The following SLC18A1 variants were observed in gnomAD, a reference collection of about 807,000 sequenced individuals.
SLC18A1 encodes chromaffin granule amine transporter.
SLC18A1 carries 69 observed loss-of-function variants against 53.7 expected under a neutral mutation model. That is an observed-to-expected ratio of 1.28 (90% CI 1.06 to 1.57). The LOEUF (loss-of-function observed/expected upper bound fraction) is 1.57, where lower values mean the gene tolerates loss of function less well. SLC18A1 is among the 40% of genes most tolerant of loss of function. The probability of loss-of-function intolerance (pLI) is 0.00; values close to 1 mark genes in which losing one functional copy is unlikely to be tolerated. For synonymous variants in SLC18A1, 320 were observed against 248.1 expected, an observed-to-expected ratio of 1.29 and a Z score of -2.72; for missense variants, 932 against 668.1, an observed-to-expected ratio of 1.40 and a Z score of -4.35.
At chr8:20,149,865 G>C in intron 11 of SLC18A1, 138 bp from the exon 12 acceptor site, 1 of 722,100 alleles carries the variant, frequency 1.4e-6, no homozygotes, top group East Asian at 2.7e-5. Context: ...ATCCCTACAT[G>C]ACCAGTTTGT....
At chr8:20,158,890 TG>T (rs1563738256) in intron 10 of SLC18A1, among the ~76,000 whole-genome samples, 1 of 152,190 alleles carries the variant, frequency 6.6e-6, no homozygotes, top group Non-Finnish European at 1.5e-5. Flanking sequence ...GAAGACCCTC[TG>T]TACCCATACT....
intron 4 of SLC18A1, among the ~76,000 whole-genome samples, chr8:20,176,962 C>A (rs2072267438): frequency 6.6e-6 from 1 of 152,174 alleles, no homozygotes; most frequent in Non-Finnish European, 1.5e-5. Context: ...CCCCAGGCAA[C>A]CATCATATAC....
chr8:20,165,036 C>G lies in SLC18A1; in HGVS notation c.919+11G>C. ...CACTCCCCGCCCAATGGGAGGTCAT[C>G]GCCAGCTTACCTGCAGCCACCAGGA... On this transcript the variant is annotated intron_variant, in intron 9 of 15. Transcript: ENST00000276373. 6.2e-7 allele frequency: 1 copy of G among 1,614,076 alleles called. No homozygotes were observed.
intron 10 of SLC18A1, among the ~76,000 whole-genome samples, chr8:20,160,343 A>G (rs575822718): frequency 6.7e-6 from 1 of 150,008 alleles, no homozygotes; most frequent in African/African-American, 2.5e-5. Context: ...AAATTTCCTT[A>G]ATTAGATTTT....
Position 20,151,839 on chromosome 8 carries a change from A to G in SLC18A1, c.1016-1095T>C, listed in dbSNP as rs543036251. Among the ~76,000 whole-genome samples, 7 of 152,174 alleles carry G rather than the reference A, an allele frequency of 4.6e-5. 1 individual carries two copies. The highest frequency in any genetic ancestry group is 1.0e-4 in the Non-Finnish European group (7 of 68,034). On this transcript the variant is annotated intron_variant, in intron 10 of 15. Coordinates refer to ENST00000276373, the MANE Select transcript of SLC18A1 (RefSeq NM_003053.4). ...TCATTCATTTTAACAAACTTTGACC[A>G]TGTGTCAGGTATTCTGGGGGCTGGG...
At chr8:20,174,118 G>T (rs1221400675) in intron 5 of SLC18A1, among the ~76,000 whole-genome samples, 2 of 151,816 alleles carry the variant, frequency 1.3e-5, no homozygotes, top group Non-Finnish European at 2.9e-5. Flanking sequence ...TGCCCAGGCT[G>T]CCCGGGTTGG....
At chr8:20,151,674 T>A (rs1255349186) in intron 10 of SLC18A1, among the ~76,000 whole-genome samples, 2 of 152,194 alleles carry the variant, frequency 1.3e-5, no homozygotes, top group South Asian at 4.1e-4. Context: ...TAGAGGGAAG[T>A]GTTCAGGAAA....
chr8:20,155,619 C>T (rs1211087135), intron 10 of SLC18A1, among the ~76,000 whole-genome samples: 1 of 152,192 alleles, frequency 6.6e-6, no homozygotes, highest in Non-Finnish European at 1.5e-5. Flanking sequence ...TGACCCATAC[C>T]TCCTGGGTTC....
rs775198550 is a variant in SLC18A1 at position 20,164,923 on chromosome 8, G to A, written c.961C>T (p.Pro321Ser). 6.2e-7 allele frequency: 1 copy of A among 1,613,894 alleles called. No individual in the cohort carries two copies. Among genetic ancestry groups the A allele is most frequent in the South Asian group, 1.1e-5 (1 of 91,070 alleles). ...TGCATCATCCAGATGGGCAGTGTGG[G>A]CTCCAGGATGGCCACCCCCATGTTG... ...FANMGVAILE[P>S]TLPIWMMQTM... Residue 321 changes from proline to serine, a missense_variant, in exon 10 of 16, where the codon CCC becomes TCC. Physicochemically the swap from Pro to Ser is moderately conservative, Grantham distance 74. Coordinates refer to ENST00000276373, the MANE Select transcript of SLC18A1 (RefSeq NM_003053.4).
At chr8:20,171,681 A>AGTGTGTGTGT (rs111983026) in intron 6 of SLC18A1, among the ~76,000 whole-genome samples, 187 bp from the exon 7 acceptor site, 9 of 147,106 alleles carry the variant, frequency 6.1e-5, no homozygotes, top group Admixed American at 3.4e-4. Context: ...TAGTGGAGGA[A>AGTGTGTGTGT]GTGTGTGTGT....
intron 4 of SLC18A1, 147 bp from the exon 5 acceptor site, chr8:20,174,591 G>C (rs577209338): frequency 4.9e-6 from 3 of 613,324 alleles, no homozygotes; most frequent in East Asian, 5.7e-5. Context: ...TGTTTTTTGA[G>C]TTGTCTTTTC....
chr8:20,147,642 C>A lies in SLC18A1; in HGVS notation c.1291G>T (p.Ala431Ser). Reference protein sequence around the residue: ...RHTSVYGSVYAIADVAFCMGF... With the variant: ...RHTSVYGSVYSIADVAFCMGF... ...ATGCAAAAAGCCACATCAGCGATGG[C>A]GTAGACACTCCCATACACCGAGGTG... Residue 431 changes from alanine to serine, a missense_variant, in exon 14 of 16, where the codon GCC (alanine) becomes TCC (serine). Transcript: ENST00000276373. 1 of 1,613,952 alleles carries A rather than the reference C, an allele frequency of 6.2e-7. No individual in the cohort carries two copies. The highest frequency in any genetic ancestry group is 2.2e-5 in the East Asian group (1 of 44,886).
chr8:20,177,188 C>G (rs763147835), intron 4 of SLC18A1, among the ~76,000 whole-genome samples: 1 of 152,298 alleles, frequency 6.6e-6, no homozygotes, highest in South Asian at 2.1e-4. Context: ...TCTTCATTTT[C>G]TTCAAGTCCA....
At chr8:20,161,721 A>T (rs548323381) in intron 10 of SLC18A1, among the ~76,000 whole-genome samples, 2 of 152,348 alleles carry the variant, frequency 1.3e-5, no homozygotes, top group South Asian at 2.1e-4. Flanking sequence ...CAAAGCCCAA[A>T]ACAGAAAACA....
intron 10 of SLC18A1, among the ~76,000 whole-genome samples, chr8:20,164,646 G>T (rs1183634889): frequency 6.6e-6 from 1 of 152,106 alleles, no homozygotes; most frequent in Non-Finnish European, 1.5e-5. Flanking sequence ...ACACAGCTAG[G>T]TATGTGACCT....
Position 20,167,146 on chromosome 8 carries a change from C to A in SLC18A1, c.859-2039G>T, listed in dbSNP as rs548169661. Among the ~76,000 whole-genome samples, 258 of 146,334 alleles carry A rather than the reference C, an allele frequency of 1.8e-3. 1 individual carries two copies. Among genetic ancestry groups the A allele is most frequent in the African/African-American group, 4.8e-3 (190 of 39,836 alleles). ...AAAACTAAATGCCAAAAAAAAAAAACCCCACAAATGGATGCAAATGAATTT... is the reference window on the plus strand; with the variant it reads ...AAAACTAAATGCCAAAAAAAAAAAAACCCACAAATGGATGCAAATGAATTT... On this transcript the variant is annotated intron_variant, in intron 8 of 15. Transcript: ENST00000276373.
chr8:20,147,717 C>T lies in SLC18A1; in HGVS notation c.1216G>A (p.Val406Met). 3 of 1,613,164 alleles carry T rather than the reference C, an allele frequency of 1.9e-6. No individual in the cohort carries two copies. The highest frequency in any genetic ancestry group is 2.5e-6 in the Non-Finnish European group (3 of 1,179,786). The change falls in exon 14 of 16, where the codon GTG (valine) becomes ATG (methionine). Residue 406 changes from valine (V) to methionine (M), a missense_variant. By Grantham distance (21) the Val-to-Met change is conservative. Coordinates refer to ENST00000276373, the MANE Select transcript of SLC18A1 (RefSeq NM_003053.4). The stretch of plus-strand genomic sequence containing the variant: ...ATGATGGGCATCATAGAAGAATCCA[C>T]CATGCCTGTGGCCAGAGCAAACAGG... ...NAGLGLAIGMVDSSMMPIMGH... is the reference protein window; with the variant it reads ...NAGLGLAIGMMDSSMMPIMGH...
intron 10 of SLC18A1, among the ~76,000 whole-genome samples, chr8:20,159,862 C>A (rs1312147198): frequency 6.6e-6 from 1 of 152,016 alleles, no homozygotes; most frequent in Non-Finnish European, 1.5e-5. Flanking sequence ...GGACTTGAGT[C>A]CAGGCCATCT....
chr8:20,156,407 C>T (rs2128870871), intron 10 of SLC18A1, among the ~76,000 whole-genome samples: 1 of 151,830 alleles, frequency 6.6e-6, no homozygotes, highest in East Asian at 1.9e-4. Context: ...TCTTAATTAC[C>T]ATACGAAGGT....
Sources: allele counts gnomAD v4.1 joint callset (sites outside exome capture counted in the v4.1 genomes callset), GRCh38; gene constraint gnomAD v4.1.1; transcripts MANE v1.5; gene names NCBI Gene and HGNC (gene_info 2026-07-23, HGNC 2026-07-21).